Variants in XPR1 observed in about 807,000 individuals in gnomAD.
The protein encoded by XPR1 is solute carrier family 53 member 1.
In XPR1, 28 loss-of-function variants were observed where a neutral mutation model predicts 87.5. That is an observed-to-expected ratio of 0.32 (90% confidence interval 0.24 to 0.44). XPR1 has a LOEUF of 0.44. Ranked by LOEUF, XPR1 falls within the 20% of genes least tolerant of loss-of-function variation. The pLI is 1.00. For synonymous variants in XPR1, 300 were observed against 306.1 expected, an observed-to-expected ratio of 0.98 and a Z score of 0.21; for missense variants, 559 against 862.3, an observed-to-expected ratio of 0.65 and a Z score of 4.41.
At chr1:180,796,925 T>C (rs1019285525) in intron 3 of XPR1, among the ~76,000 whole-genome samples, 1 of 152,122 alleles carries the variant, frequency 6.6e-6, no homozygotes, top group East Asian at 1.9e-4. Context: ...AGATTATATA[T>C]TGTATGATTC....
chr1:180,698,964 G>A (rs775054894), intron 2 of XPR1, among the ~76,000 whole-genome samples: 2 of 152,244 alleles, frequency 1.3e-5, no homozygotes, highest in South Asian at 4.2e-4. Flanking sequence ...ACTTTTGATA[G>A]TTTGACTATA....
chr1:180,748,400 C>CTTTTTTTTTTTTGTTTT (rs1647362917), intron 2 of XPR1, among the ~76,000 whole-genome samples: 2 of 29,650 alleles, frequency 6.7e-5, no homozygotes, highest in Non-Finnish European at 1.4e-4. Flanking sequence ...TTATTTATGT[C>CTTTTTTTTTTTTGTTTT]TTTTTTTTTT....
chr1:180,778,352 C>T (rs536113660), intron 2 of XPR1, among the ~76,000 whole-genome samples: 2 of 152,276 alleles, frequency 1.3e-5, no homozygotes, highest in Middle Eastern at 3.4e-3. Context: ...ATCCCCTTTA[C>T]ACCAAGGACT....
chr1:180,706,088 T>C (rs1462985641), intron 2 of XPR1, among the ~76,000 whole-genome samples: 1 of 152,202 alleles, frequency 6.6e-6, no homozygotes, highest in Non-Finnish European at 1.5e-5. Context: ...GGGTTATCAC[T>C]GGAGAATAGT....
intron 7 of XPR1, among the ~76,000 whole-genome samples, chr1:180,822,736 T>C (rs960219487): frequency 1.1e-4 from 17 of 152,124 alleles, no homozygotes; most frequent in African/African-American, 4.1e-4. Flanking sequence ...AATAAACTTA[T>C]GAGAATAGAT....
At chr1:180,813,674 A>G (rs1362820217) in intron 7 of XPR1, among the ~76,000 whole-genome samples, 1 of 152,222 alleles carries the variant, frequency 6.6e-6, no homozygotes, top group Non-Finnish European at 1.5e-5. Context: ...AACAGCAGAA[A>G]AACAGACACA....
At chr1:180,765,868 A>G (rs915065962) in intron 2 of XPR1, among the ~76,000 whole-genome samples, 1 of 151,970 alleles carries the variant, frequency 6.6e-6, no homozygotes, top group Non-Finnish European at 1.5e-5. Context: ...GTGTATTGGT[A>G]GTACTGTGAG....
intron 2 of XPR1, among the ~76,000 whole-genome samples, chr1:180,702,492 A>AT (rs1374550392): frequency 1.0e-4 from 15 of 149,766 alleles, no homozygotes; most frequent in South Asian, 2.1e-4. Context: ...TTCTTTCTTT[A>AT]TTTTTTTTTG....
chr1:180,764,998 G>A (rs1259803151), intron 2 of XPR1, among the ~76,000 whole-genome samples: 1 of 148,720 alleles, frequency 6.7e-6, no homozygotes, highest in Admixed American at 6.7e-5. Flanking sequence ...TTTTAGCCAG[G>A]ATGGTCTCGA....
At chr1:180,807,355 T>G (rs1344989673) in intron 6 of XPR1, among the ~76,000 whole-genome samples, 1 of 152,074 alleles carries the variant, frequency 6.6e-6, no homozygotes, top group Non-Finnish European at 1.5e-5. Context: ...AACAAATGAG[T>G]TTAGCAAGGT....
chr1:180,635,093 T>A (rs1470992896), intron 1 of XPR1, among the ~76,000 whole-genome samples: 1 of 152,136 alleles, frequency 6.6e-6, no homozygotes, highest in Non-Finnish European at 1.5e-5. Context: ...TTATGTTTTT[T>A]AATTTAAAAA....
intron 9 of XPR1, among the ~76,000 whole-genome samples, chr1:180,832,007 C>G (rs10808780): frequency 6.6e-6 from 1 of 152,154 alleles, no homozygotes; most frequent in African/African-American, 2.4e-5. Flanking sequence ...ATTTATACTC[C>G]CACCAACAGT....
chr1:180,648,562 A>G (rs1655192910), intron 1 of XPR1, among the ~76,000 whole-genome samples: 4 of 152,184 alleles, frequency 2.6e-5, no homozygotes, highest in Admixed American at 6.5e-5. Context: ...GCTGGAGTGC[A>G]GTAGCACAGT....
At chr1:180,809,026 G>GA (rs1429897638) in intron 6 of XPR1, among the ~76,000 whole-genome samples, 10 of 152,128 alleles carry the variant, frequency 6.6e-5, no homozygotes, top group Non-Finnish European at 1.3e-4. Flanking sequence ...ATCAGTAGGT[G>GA]AATGGATAAA....
Position 180,713,540 on chromosome 1 carries a change from G to T in XPR1, c.121+31129G>T, listed in dbSNP as rs76140778. On this transcript the variant is annotated intron_variant, in intron 2 of 14. Coordinates refer to ENST00000367590, the MANE Select transcript of XPR1 (RefSeq NM_004736.4). ...TCTAATGCAATGTTGGGTAGAAGTGGTGTGAGTGGGCATCCCTTGTTTGCT... is the reference window on the plus strand; with the variant it reads ...TCTAATGCAATGTTGGGTAGAAGTGTTGTGAGTGGGCATCCCTTGTTTGCT... Among the ~76,000 whole-genome samples the T allele has an allele frequency of 3.2e-3, 485 of 152,286 alleles. 4 individuals are homozygous for T. Among genetic ancestry groups the T allele is most frequent in the African/African-American group, 0.011 (450 of 41,554 alleles).
chr1:180,811,610 TAA>T, intron 7 of XPR1, 122 bp downstream of exon 7: 2 of 769,902 alleles, frequency 2.6e-6, no homozygotes, highest in East Asian at 2.9e-5. Flanking sequence ...CTATCAGGGC[TAA>T]GTTTTTTGTC....
In XPR1 at chr1:180,885,258, TTA is replaced by T. The variant is rs1003584406; in HGVS notation, c.*1195_*1196del. 1 of 152,630 alleles carries T rather than the reference TTA, an allele frequency of 6.6e-6. No individual in the cohort carries two copies. The highest frequency in any genetic ancestry group is 1.5e-5 in the Non-Finnish European group (1 of 68,034). The allele number at this position is 152,630 out of a possible 1,614,324, so 9.5% of individuals were successfully genotyped here. A position where few individuals can be genotyped will look rare whatever the true frequency, so the allele number is the denominator to read the frequency against. ...TATATTTTTGAGCACATGGAACAAATTATACTTCCTCATTCATATTATGTTGA... is the reference window on the plus strand; with the variant it reads ...TATATTTTTGAGCACATGGAACAAATTACTTCCTCATTCATATTATGTTGA... On this transcript the variant is annotated 3_prime_UTR_variant, in exon 15 of 15. Transcript: ENST00000367590.
At chr1:180,737,244 G>A (rs924288452) in intron 2 of XPR1, among the ~76,000 whole-genome samples, 2 of 152,108 alleles carry the variant, frequency 1.3e-5, no homozygotes, top group Admixed American at 6.6e-5. Context: ...CATGGAATAG[G>A]CTGTTTTCCT....
chr1:180,676,584 A>G (rs1557951739), intron 1 of XPR1, among the ~76,000 whole-genome samples: 1 of 152,200 alleles, frequency 6.6e-6, no homozygotes, highest in African/African-American at 2.4e-5. Flanking sequence ...CTATACTTGT[A>G]GAGGACTTTA....
Sources: allele counts gnomAD v4.1 joint callset (sites outside exome capture counted in the v4.1 genomes callset), GRCh38; gene constraint gnomAD v4.1.1; transcripts MANE v1.5; gene names NCBI Gene and HGNC (gene_info 2026-07-23, HGNC 2026-07-21).